The following RNF144A variants were observed in gnomAD, a reference collection of about 807,000 sequenced individuals.
RNF144A encodes the protein E3 ubiquitin-protein ligase RNF144A.
A neutral mutation model predicts 38.7 loss-of-function variants in RNF144A; 11 were observed. The observed-to-expected ratio is 0.28, with a 90% CI of 0.18 to 0.47. The LOEUF (loss-of-function observed/expected upper bound fraction) is 0.47. Ranked by LOEUF, RNF144A falls within the 20% of genes least tolerant of loss-of-function variation. The probability of loss-of-function intolerance (pLI) is 0.99; values close to 1 mark genes in which losing one functional copy is unlikely to be tolerated. For missense variants in RNF144A, 316 were observed against 377.2 expected (o/e 0.84, Z 1.34); for synonymous variants, 149 against 143.9 (o/e 1.04, Z -0.25).
At chr2:7,070,585 A>T (rs1373293244), downstream of RNF144A, among the ~76,000 whole-genome samples, 2 of 152,176 alleles carry the variant, frequency 1.3e-5, no homozygotes, top group African/African-American at 4.8e-5. Flanking sequence ...TGCAGATATA[A>T]TCAAGTTAGG....
At chr2:6,982,033 C>T (rs140905893) in intron 2 of RNF144A, among the ~76,000 whole-genome samples, 10 of 152,118 alleles carry the variant, frequency 6.6e-5, no homozygotes, top group Admixed American at 2.0e-4. Flanking sequence ...TTAAAACCAT[C>T]GGATCTCGTG....
the RNF144A span, among the ~76,000 whole-genome samples, chr2:7,076,024 G>T: frequency 6.6e-6 from 1 of 152,172 alleles, no homozygotes; most frequent in Non-Finnish European, 1.5e-5. Flanking sequence ...GCATCATGCT[G>T]TTTTGATGAA....
At chr2:6,980,897 G>T (rs1668587721) in intron 2 of RNF144A, among the ~76,000 whole-genome samples, 1 of 152,252 alleles carries the variant, frequency 6.6e-6, no homozygotes, top group Admixed American at 6.5e-5. Context: ...AAATCGAGGT[G>T]GAGGCTTCCT....
intron 8 of RNF144A, among the ~76,000 whole-genome samples, chr2:7,033,066 T>G (rs1672432122): frequency 6.6e-6 from 1 of 152,250 alleles, no homozygotes; most frequent in Non-Finnish European, 1.5e-5. Flanking sequence ...ATTGCCCAAC[T>G]CTGGCAGTTT....
intron 1 of RNF144A, among the ~76,000 whole-genome samples, chr2:6,923,439 CA>C (rs1439434451): frequency 2.6e-5 from 4 of 152,348 alleles, no homozygotes; most frequent in Admixed American, 2.6e-4. Context: ...GTTGAGTGTT[CA>C]AGCCTCTTCC....
intron 7 of RNF144A, among the ~76,000 whole-genome samples, chr2:7,029,376 A>G (rs1453042728): frequency 6.6e-6 from 1 of 152,164 alleles, no homozygotes; most frequent in Non-Finnish European, 1.5e-5. Flanking sequence ...TGAGCTGGGG[A>G]ACACACTTAG....
chr2:7,055,943 A>C (rs981469308), intron 6 of RNF144A, among the ~76,000 whole-genome samples: 2 of 151,828 alleles, frequency 1.3e-5, no homozygotes, highest in African/African-American at 4.8e-5. Context: ...GAGCATGCAC[A>C]CTCTGTAACC....
At chr2:6,930,625 T>C (rs1665147482) in intron 1 of RNF144A, among the ~76,000 whole-genome samples, 2 of 152,162 alleles carry the variant, frequency 1.3e-5, no homozygotes, top group African/African-American at 4.8e-5. Context: ...AGGATCTTGC[T>C]CTGTCACTCA....
At chr2:7,068,332 T>C (rs559938203), downstream of RNF144A, 5 of 993,772 alleles carry the variant, frequency 5.0e-6, no homozygotes, top group Non-Finnish European at 7.1e-6. Flanking sequence ...GTAATTCATT[T>C]GGGTAGTGGC....
At chr2:7,032,593 C>T (rs1001103579) in intron 8 of RNF144A, among the ~76,000 whole-genome samples, 1 of 152,244 alleles carries the variant, frequency 6.6e-6, no homozygotes, top group Admixed American at 6.5e-5. Flanking sequence ...CTGGACAGAT[C>T]GATGCGTCAC....
At chr2:7,018,234 C>A (rs957556228) in intron 5 of RNF144A, among the ~76,000 whole-genome samples, 5 of 152,210 alleles carry the variant, frequency 3.3e-5, no homozygotes, top group African/African-American at 1.2e-4. Flanking sequence ...CTGGATCTAG[C>A]CTCAGAGCTA....
intron 2 of RNF144A, among the ~76,000 whole-genome samples, chr2:6,991,455 A>G (rs1669368251): frequency 6.6e-6 from 1 of 152,214 alleles, no homozygotes. Flanking sequence ...GCTCAGAAGC[A>G]AAACTGAAGT....
intron 2 of RNF144A, among the ~76,000 whole-genome samples, chr2:6,967,683 C>G (rs1273750241): frequency 3.3e-5 from 5 of 152,218 alleles, no homozygotes; most frequent in African/African-American, 7.2e-5. Context: ...GTACTTCATT[C>G]ACTTCTTCAC....
At chr2:7,073,541 C>G in the RNF144A span, among the ~76,000 whole-genome samples, 1 of 152,136 alleles carries the variant, frequency 6.6e-6, no homozygotes, top group African/African-American at 2.4e-5. Flanking sequence ...CTCAAAGTCA[C>G]CCCTGGAGAT....
At chr2:6,995,606 C>A (rs891414756) in intron 2 of RNF144A, among the ~76,000 whole-genome samples, 1 of 152,066 alleles carries the variant, frequency 6.6e-6, no homozygotes, top group Non-Finnish European at 1.5e-5. Context: ...ACTTGGAGTC[C>A]GATGTTCGAG....
chr2:6,987,113 C>T (rs764710661), intron 2 of RNF144A, among the ~76,000 whole-genome samples: 1 of 152,028 alleles, frequency 6.6e-6, no homozygotes, highest in Non-Finnish European at 1.5e-5. Context: ...CACCGAGAAA[C>T]GTTTAAGTTT....
chr2:7,074,966 T>G, the RNF144A span, among the ~76,000 whole-genome samples: 94,735 of 151,938 alleles, frequency 0.62, 29,654 homozygotes, highest in Middle Eastern at 0.64. Flanking sequence ...AATTTTTAAG[T>G]GTAAGAATTA....
At chr2:7,066,789 G>T (rs904445352) in intron 6 of RNF144A, among the ~76,000 whole-genome samples, 1 of 152,162 alleles carries the variant, frequency 6.6e-6, no homozygotes, top group African/African-American at 2.4e-5. Flanking sequence ...TTCCTGGCAG[G>T]CCTAGGAACC....
At position 6,940,546 on chromosome 2, in the gene RNF144A, A is replaced by T. The variant is rs577923672; in HGVS notation, c.-211-402A>T. Among the ~76,000 whole-genome samples the T allele has an allele frequency of 6.6e-5, 10 of 150,812 alleles. No homozygotes were observed. In the South Asian group the frequency reaches 1.9e-3, roughly 29 times the overall value. On this transcript the variant is annotated intron_variant, in intron 1 of 8. Coordinates refer to ENST00000320892, the MANE Select transcript of RNF144A (RefSeq NM_014746.6). ...CATTAGTTTATTTTTATCCTCTTTTAATTTTATTTTTATTTTATTATATAC... is the reference window on the plus strand; with the variant it reads ...CATTAGTTTATTTTTATCCTCTTTTTATTTTATTTTTATTTTATTATATAC...
Sources: gnomAD v4.1 joint callset for allele counts (sites outside exome capture counted in the v4.1 genomes callset) on GRCh38, gnomAD v4.1.1 for gene constraint, MANE v1.5 for transcripts, NCBI Gene and HGNC (gene_info 2026-07-23, HGNC 2026-07-21) for gene names.